APC2: variants seen among roughly 807,000 people sequenced by gnomAD.
The protein encoded by APC2 is APC regulator of Wnt signaling pathway 2.
APC2 carries 41 observed loss-of-function variants against 72.5 expected under a neutral mutation model. The observed-to-expected ratio is 0.57, with a 90% CI of 0.44 to 0.73. The LOEUF (loss-of-function observed/expected upper bound fraction) is 0.73, where lower values mean the gene tolerates loss of function less well. Ranked by LOEUF, APC2 falls within the 30% of genes least tolerant of loss-of-function variation. APC2 has a pLI of 0.00. For missense variants in APC2, 3,729 were observed against 3,403.4 expected (o/e 1.10, Z -2.38); for synonymous variants, 1,898 against 1,612.0 (o/e 1.18, Z -4.25).
In APC2 at chr19:1,460,287, C is replaced by T. The variant is rs760700152; in HGVS notation, c.1410C>T (p.Leu470=). Residue 470 remains leucine (L), a synonymous_variant, in exon 11 of 15, where the codon CTC becomes CTT. Transcript: ENST00000590469. ...TGCGCCGCTACGCGGGCATGACCCT[C>T]ACCAACCTCACCTTTGGGGACGTTG... ...LALRRYAGMT[L]TNLTFGDVAN... is the part of the protein sequence containing the mutation. 4 of 1,613,418 alleles carry T rather than the reference C, an allele frequency of 2.5e-6. No homozygotes were observed. The African/African-American group carries it at 4.0e-5, about 16-fold the overall frequency.
intron 9 of APC2, 28 bp from the exon 10 acceptor site, chr19:1,457,937 G>A (rs753368242): frequency 4.6e-6 from 7 of 1,529,074 alleles, no homozygotes; most frequent in East Asian, 2.5e-5. Context: ...TGGGAATGGG[G>A]GCTCTGATCT....
At chr19:1,462,500 A>G (rs2083942250) in intron 14 of APC2, among the ~76,000 whole-genome samples, 1 of 151,160 alleles carries the variant, frequency 6.6e-6, no homozygotes, top group African/African-American at 2.4e-5. Flanking sequence ...TACTAAAAAT[A>G]TAAAATTAGC....
At chr19:1,462,950 G>T (rs549719417) in intron 14 of APC2, among the ~76,000 whole-genome samples, 1 of 146,794 alleles carries the variant, frequency 6.8e-6, no homozygotes, top group African/African-American at 2.6e-5. Context: ...CAGATTGGGC[G>T]ACAGAGCAAG....
upstream of APC2, among the ~76,000 whole-genome samples, chr19:1,447,074 CTG>C (rs995189153): frequency 2.6e-5 from 4 of 152,206 alleles, no homozygotes; most frequent in African/African-American, 7.2e-5. Context: ...GCCGGGGAAA[CTG>C]AGGCCCATAG....
Position 1,468,873 on chromosome 19 carries a change from C to G in APC2, c.5572C>G (p.Pro1858Ala), listed in dbSNP as rs1394409417. The G allele has an allele frequency of 3.2e-6, 5 of 1,541,874 alleles. No individual in the cohort carries two copies. In the East Asian group the frequency reaches 1.2e-4, roughly 38 times the overall value. ...CTCGGAGCTGGCGACGCTGAGCCAG[C>G]CCCCCAGAAGCGCCACACCGCCCGC... ...KTSELATLSQ[P>A]PRSATPPARL... Residue 1858 changes from proline (P) to alanine (A), a missense_variant, in exon 15 of 15, where the codon CCC becomes GCC. Transcript: ENST00000590469.
At chr19:1,458,118 C>T in intron 10 of APC2, 58 bp downstream of exon 10, 6 of 1,465,926 alleles carry the variant, frequency 4.1e-6, no homozygotes, top group Non-Finnish European at 5.6e-6. Context: ...GGTGGTGGCT[C>T]CTCGGCCGCT....
chr19:1,453,693 C>G, intron 4 of APC2, 82 bp downstream of exon 4: 5 of 1,498,122 alleles, frequency 3.3e-6, no homozygotes, highest in Non-Finnish European at 4.5e-6. Flanking sequence ...ATTCGCCCAC[C>G]CGCATATGTC....
At chr19:1,457,809 T>G in intron 9 of APC2, 156 bp from the exon 10 acceptor site, 1 of 671,524 alleles carries the variant, frequency 1.5e-6, no homozygotes, top group South Asian at 1.7e-5. Context: ...CATCATCCCA[T>G]CTTAGAGAGG....
chr19:1,457,051 G>A lies in APC2; in HGVS notation c.1015G>A (p.Gly339Ser), dbSNP rs1245846174. The A allele has an allele frequency of 6.5e-7, 1 of 1,531,530 alleles. No homozygotes were observed. Among genetic ancestry groups the A allele is most frequent in the Non-Finnish European group, 8.7e-7 (1 of 1,146,138 alleles). The allele number at this position is 1,531,530 out of a possible 1,614,324, so 94.9% of individuals were successfully genotyped here. A position where few individuals can be genotyped will look rare whatever the true frequency, so the allele number is the denominator to read the frequency against. Residue 339 changes from glycine to serine, a missense_variant, in exon 9 of 15, where the codon GGC becomes AGC. Physicochemically the swap from Gly to Ser is moderately conservative, Grantham distance 56 (BLOSUM62 0). Transcript: ENST00000590469. ...GGRAGAPGAP[G>S]AKDARMRANA... The stretch of plus-strand genomic sequence containing the variant: ...TCGCGCCGGGGCCCCAGGGGCACCG[G>A]GCGCCAAGGACGCACGCATGCGCGC...
rs896768819 is a variant in APC2, at chr19:1,472,602, A to G, written c.*2389A>G. On this transcript the variant is annotated 3_prime_UTR_variant, in exon 15 of 15. Coordinates refer to ENST00000590469, the MANE Select transcript of APC2 (RefSeq NM_005883.3). Reference sequence around the variant, plus strand: ...GCTGCCAGCCCCGCCTCCCACCCCCACCCCGAGTCCTGAGCTCACTTTCGC... The same window carrying G: ...GCTGCCAGCCCCGCCTCCCACCCCCGCCCCGAGTCCTGAGCTCACTTTCGC... 1 of 53,652 alleles carries G rather than the reference A, an allele frequency of 1.9e-5. No homozygotes were observed. The highest frequency in any genetic ancestry group is 4.3e-5 in the Non-Finnish European group (1 of 23,020). 3.3% of individuals were successfully genotyped at this position (53,652 alleles called of 1,614,324 possible).
upstream of APC2, among the ~76,000 whole-genome samples, chr19:1,448,866 AG>A (rs1157569105): frequency 6.6e-6 from 1 of 151,398 alleles, no homozygotes; most frequent in Non-Finnish European, 1.5e-5. Context: ...AAGAAAAAAA[AG>A]AAAAAGAAAA....
At chr19:1,457,905 G>C in intron 9 of APC2, 60 bp from the exon 10 acceptor site, 1 of 1,495,104 alleles carries the variant, frequency 6.7e-7, no homozygotes, top group Admixed American at 2.0e-5. Flanking sequence ...CGGGACCTTC[G>C]GGAGTCACCT....
At position 1,456,087 on chromosome 19, in the gene APC2, G is replaced by T. The variant is rs1246960315; in HGVS notation, c.651G>T (p.Ser217=). ...GTGGTCCTGAGCAGATCCGCGCCTC[G>T]CGCCTGGAGCAGATTGACAAGGAGC... The part of the protein sequence containing the change: ...EMVQRAQIRA[S]RLEQIDKELL... Residue 217 remains serine, a synonymous_variant, in exon 7 of 15, where the codon TCG becomes TCT. Transcript: ENST00000590469. 1 of 1,579,378 alleles carries T rather than the reference G, an allele frequency of 6.3e-7. No homozygotes were observed. Among genetic ancestry groups the T allele is most frequent in the Admixed American group, 1.8e-5 (1 of 55,568 alleles).
Position 1,457,998 on chromosome 19 carries a change from C to T in APC2, c.1241C>T (p.Ala414Val). ...CCCATCGAGCCGCAGATCTGCCAGG[C>T]CACCTGTGCTGTTATGAAGCTGTCC... is the stretch of plus-strand genomic sequence containing the variant. The part of the protein sequence containing the change: ...PIPIEPQICQ[A>V]TCAVMKLSFD... The change falls in exon 10 of 15, where the codon GCC becomes GTC. Residue 414 changes from alanine to valine, a missense_variant. Ala to Val is a moderately conservative substitution (Grantham distance 64). Transcript: ENST00000590469. 3.8e-6 allele frequency: 6 copies of T among 1,565,352 alleles called. No homozygotes were observed. The highest frequency in any genetic ancestry group is 4.3e-6 in the Non-Finnish European group (5 of 1,153,848).
At chr19:1,458,202 C>T in intron 10 of APC2, 142 bp downstream of exon 10, 1 of 731,276 alleles carries the variant, frequency 1.4e-6, no homozygotes, top group South Asian at 1.7e-5. Flanking sequence ...TCCCTGGAGT[C>T]ACATAGCACC....
At chr19:1,447,130 C>A (rs1019860705), upstream of APC2, among the ~76,000 whole-genome samples, 1 of 152,218 alleles carries the variant, frequency 6.6e-6, no homozygotes. Context: ...GCCTACCCCA[C>A]CCTCCCCCAC....
At position 1,450,200 on chromosome 19, in the gene APC2, T is replaced by TGCCCGCGCCGCGGAGACCCCGGA. The variant is rs2083726734; in HGVS notation, c.-148_-126dup. On this transcript the variant is annotated 5_prime_UTR_variant, in exon 1 of 15. Transcript: ENST00000590469. The stretch of plus-strand genomic sequence containing the variant: ...CGGGCTTTGTCCGCCCCGGAGCCCC[T>TGCCCGCGCCGCGGAGACCCCGGA]GCCCGCGCCGCGGAGACCCCGGAGC... The TGCCCGCGCCGCGGAGACCCCGGA allele has an allele frequency of 2.0e-6, 2 of 984,890 alleles. No homozygotes were observed. Among genetic ancestry groups the TGCCCGCGCCGCGGAGACCCCGGA allele is most frequent in the Non-Finnish European group, 2.4e-6 (2 of 829,788 alleles). 61.0% of individuals were successfully genotyped at this position (984,890 alleles called of 1,614,324 possible).
At chr19:1,455,299 C>T (rs544127737) in intron 5 of APC2, 42 bp downstream of exon 5, 1 of 1,579,710 alleles carries the variant, frequency 6.3e-7, no homozygotes, top group African/African-American at 1.4e-5. Context: ...GCCCGCCCCA[C>T]TCAGGGTGCG....
chr19:1,455,444 C>G lies in APC2; in HGVS notation c.583C>G (p.Arg195Gly). 3.7e-6 allele frequency: 6 copies of G among 1,607,216 alleles called. 1 individual carries two copies. In the South Asian group the frequency reaches 4.4e-5, roughly 12 times the overall value. The change falls in exon 6 of 15, where the codon CGC becomes GGC. Residue 195 changes from arginine (R) to glycine (G), a missense_variant. Coordinates refer to ENST00000590469, the MANE Select transcript of APC2 (RefSeq NM_005883.3). ...QQLEFEAQHI[R>G]SLMEERFGTS... is the part of the protein sequence containing the mutation. ...GCTTGAGTTCGAGGCCCAGCACATC[C>G]GCTCGCTGATGGAGGAGCGCTTCGG...
Sources: allele counts gnomAD v4.1 joint callset (sites outside exome capture counted in the v4.1 genomes callset), GRCh38; gene constraint gnomAD v4.1.1; transcripts MANE v1.5; gene names NCBI Gene and HGNC (gene_info 2026-07-23, HGNC 2026-07-21).